The following NAV3 variants were observed in gnomAD, a reference collection of about 807,000 sequenced individuals.
NAV3 encodes pore membrane and/or filament interacting like protein 1.
A neutral mutation model predicts 244.7 loss-of-function variants in NAV3; 87 were observed. That is an observed-to-expected ratio of 0.36 (90% CI 0.30 to 0.42). NAV3 has a LOEUF of 0.42. Ranked by LOEUF, NAV3 falls within the 20% of genes least tolerant of loss-of-function variation. The pLI is 1.00. For synonymous variants in NAV3, 1,126 were observed against 1,042.2 expected, an observed-to-expected ratio of 1.08 and a Z score of -1.55; for missense variants, 2,663 against 2,893.3, an observed-to-expected ratio of 0.92 and a Z score of 1.83.
At chr12:77,589,486 G>T (rs711104) in intron 2 of NAV3, among the ~76,000 whole-genome samples, 5,258 of 152,256 alleles carry the variant, frequency 0.035, 121 homozygotes, top group Middle Eastern at 0.071. Context: ...CAATTCAACA[G>T]GGCTGGGGAG....
At chr12:78,110,593 G>C (rs1027809337) in intron 12 of NAV3, among the ~76,000 whole-genome samples, 1 of 151,682 alleles carries the variant, frequency 6.6e-6, no homozygotes, top group Non-Finnish European at 1.5e-5. Flanking sequence ...TGTAAAAAAA[G>C]AACAAAGCTG....
At chr12:77,945,727 G>A (rs1035052808) in intron 3 of NAV3, among the ~76,000 whole-genome samples, 1 of 151,720 alleles carries the variant, frequency 6.6e-6, no homozygotes, top group Non-Finnish European at 1.5e-5. Context: ...TTTTCTAATG[G>A]TTTAATGGTT....
chr12:77,649,950 TC>T (rs1173550509), intron 2 of NAV3, among the ~76,000 whole-genome samples: 9 of 152,198 alleles, frequency 5.9e-5, no homozygotes, highest in African/African-American at 2.2e-4. Context: ...GAAACAGCAA[TC>T]TTTTTGTTCA....
At chr12:78,014,628 T>G (rs1875866986) in intron 8 of NAV3, among the ~76,000 whole-genome samples, 1 of 152,098 alleles carries the variant, frequency 6.6e-6, no homozygotes. Context: ...AATTGACATT[T>G]TAATATGCTA....
intron 5 of NAV3, among the ~76,000 whole-genome samples, chr12:77,994,527 T>A (rs924031979): frequency 1.6e-4 from 25 of 152,152 alleles, no homozygotes; most frequent in African/African-American, 5.8e-4. Flanking sequence ...ATAGTATTTT[T>A]AAAATATTAA....
At chr12:77,708,621 A>T (rs942760756) in intron 2 of NAV3, among the ~76,000 whole-genome samples, 1 of 152,010 alleles carries the variant, frequency 6.6e-6, no homozygotes, top group Non-Finnish European at 1.5e-5. Context: ...CTTGATGGGG[A>T]TGGCATTGAA....
chr12:77,717,481 C>T (rs995748135), intron 2 of NAV3, among the ~76,000 whole-genome samples: 2 of 151,962 alleles, frequency 1.3e-5, no homozygotes, highest in African/African-American at 4.8e-5. Context: ...CAGTAATATT[C>T]CATTGTGTGC....
At chr12:77,586,848 G>A (rs766094165) in intron 2 of NAV3, among the ~76,000 whole-genome samples, 1 of 152,082 alleles carries the variant, frequency 6.6e-6, no homozygotes. Flanking sequence ...TCATCCGTGC[G>A]GAAAGTTCAA....
At chr12:77,894,183 G>C (rs537417052) in intron 1 of NAV3, among the ~76,000 whole-genome samples, 1 of 152,164 alleles carries the variant, frequency 6.6e-6, no homozygotes, top group South Asian at 2.1e-4. Flanking sequence ...CAGATCTTTT[G>C]CCAATTGACT....
intron 28 of NAV3, among the ~76,000 whole-genome samples, chr12:78,179,218 T>C (rs1593927885): frequency 6.6e-6 from 1 of 152,256 alleles, no homozygotes; most frequent in East Asian, 1.9e-4. Context: ...AATGTAGTAA[T>C]CTATGACTTT....
chr12:78,181,090 G>A (rs755296909), intron 30 of NAV3, 45 bp downstream of exon 30: 16 of 1,569,262 alleles, frequency 1.0e-5, no homozygotes, highest in Non-Finnish European at 1.4e-5. Flanking sequence ...ATACCCATGA[G>A]TTAACGGGTG....
intron 2 of NAV3, among the ~76,000 whole-genome samples, chr12:77,771,154 C>T (rs1214043837): frequency 1.3e-5 from 2 of 152,132 alleles, no homozygotes; most frequent in Non-Finnish European, 2.9e-5. Flanking sequence ...CCAAAAAACA[C>T]ATGAAAAAAT....
chr12:78,000,720 G>T (rs1382218162), intron 7 of NAV3, among the ~76,000 whole-genome samples: 2 of 149,164 alleles, frequency 1.3e-5, no homozygotes, highest in African/African-American at 4.9e-5. Flanking sequence ...AGCCAGGATG[G>T]TCTCGATCTC....
At chr12:78,156,356 A>G (rs1183773526) in intron 22 of NAV3, among the ~76,000 whole-genome samples, 1 of 152,126 alleles carries the variant, frequency 6.6e-6, no homozygotes, top group Non-Finnish European at 1.5e-5. Context: ...TGAAAACAAC[A>G]CGACTCAAAA....
At chr12:78,134,204 G>A (rs552103319) in intron 18 of NAV3, among the ~76,000 whole-genome samples, 16 of 151,900 alleles carry the variant, frequency 1.1e-4, no homozygotes, top group Non-Finnish European at 2.1e-4. Context: ...TCCCATCTTC[G>A]TGTTCAACCT....
intron 11 of NAV3, among the ~76,000 whole-genome samples, 164 bp downstream of exon 11, chr12:78,051,311 T>G (rs775511485): frequency 6.6e-6 from 1 of 152,188 alleles, no homozygotes; most frequent in Non-Finnish European, 1.5e-5. Context: ...TGCTCATTCA[T>G]GGAGAGTAAA....
chr12:77,601,024 C>A (rs1870405933), intron 2 of NAV3, among the ~76,000 whole-genome samples: 1 of 152,002 alleles, frequency 6.6e-6, no homozygotes, highest in South Asian at 2.1e-4. Flanking sequence ...CAGGACCCTC[C>A]TGAGCCTTTC....
intron 2 of NAV3, among the ~76,000 whole-genome samples, chr12:77,728,807 A>G (rs1876996829): frequency 6.6e-6 from 1 of 151,766 alleles, no homozygotes; most frequent in Admixed American, 6.6e-5. Flanking sequence ...TTTTTCAACA[A>G]AAGTTATACC....
chr12:78,167,785 A>G (rs535087867), intron 23 of NAV3, among the ~76,000 whole-genome samples: 7 of 151,612 alleles, frequency 4.6e-5, no homozygotes, highest in African/African-American at 1.4e-4. Flanking sequence ...GATTTTTAGG[A>G]TTATATTACC....
Sources: allele counts gnomAD v4.1 joint callset (sites outside exome capture counted in the v4.1 genomes callset), GRCh38; gene constraint gnomAD v4.1.1; transcripts MANE v1.5; gene names NCBI Gene and HGNC (gene_info 2026-07-23, HGNC 2026-07-21).